The following GRID2 variants were observed in gnomAD, a reference collection of about 807,000 sequenced individuals.
GRID2 encodes glutamate ionotropic receptor delta type subunit 2.
GRID2 carries 33 observed loss-of-function variants against 114.8 expected under a neutral mutation model. That is an observed-to-expected ratio of 0.29 (90% CI 0.22 to 0.38). The LOEUF (loss-of-function observed/expected upper bound fraction) is 0.38. GRID2 is among the 10% of genes least tolerant of loss of function. The probability of loss-of-function intolerance (pLI) is 1.00; values close to 1 mark genes in which losing one functional copy is unlikely to be tolerated. For synonymous variants in GRID2, 505 were observed against 449.9 expected, an observed-to-expected ratio of 1.12 and a Z score of -1.55; for missense variants, 1,184 against 1,257.7, an observed-to-expected ratio of 0.94 and a Z score of 0.89.
chr4:93,175,393 A>AT (rs1341477098), intron 4 of GRID2, among the ~76,000 whole-genome samples: 1 of 151,964 alleles, frequency 6.6e-6, no homozygotes, highest in Non-Finnish European at 1.5e-5. Flanking sequence ...CTGGTCTCGA[A>AT]CTCCTGACCT....
intron 11 of GRID2, among the ~76,000 whole-genome samples, chr4:93,469,176 A>G (rs1201065231): frequency 1.3e-5 from 2 of 152,138 alleles, no homozygotes; most frequent in African/African-American, 4.8e-5. Context: ...TTGGTAGAGA[A>G]GGTACAGAGA....
chr4:92,624,112 A>C (rs896901434), intron 2 of GRID2, among the ~76,000 whole-genome samples: 1 of 151,836 alleles, frequency 6.6e-6, no homozygotes, highest in African/African-American at 2.4e-5. Context: ...GCATTAATTA[A>C]ATAAATTATG....
intron 14 of GRID2, among the ~76,000 whole-genome samples, chr4:93,683,016 A>T (rs1422911756): frequency 6.6e-6 from 1 of 152,124 alleles, no homozygotes; most frequent in African/African-American, 2.4e-5. Flanking sequence ...ACTGAGGGAA[A>T]TATGATTCAA....
chr4:93,090,094 G>A (rs151199225), intron 3 of GRID2, among the ~76,000 whole-genome samples: 10 of 152,208 alleles, frequency 6.6e-5, no homozygotes, highest in African/African-American at 2.4e-4. Context: ...CAACGTTGTT[G>A]GCTAATAGTA....
intron 2 of GRID2, among the ~76,000 whole-genome samples, chr4:92,771,395 G>C (rs967916326): frequency 6.6e-6 from 1 of 152,120 alleles, no homozygotes; most frequent in African/African-American, 2.4e-5. Flanking sequence ...ATATGGTTGT[G>C]AGTTCATTTA....
Position 93,481,035 on chromosome 4 carries a change from T to C in GRID2, c.1859-9604T>C, listed in dbSNP as rs35970042. 3.4e-3 allele frequency among the ~76,000 whole-genome samples: 518 copies of C among 152,178 alleles called. 1 individual carries two copies. Among genetic ancestry groups the C allele is most frequent in the Non-Finnish European group, 6.4e-3 (435 of 67,990 alleles). ...CCAAGTATCAAGTCAGCACATTAAA[T>C]CCCAAATCTGAAATCTTACCACCCA... On this transcript the variant is annotated intron_variant, in intron 11 of 15. Transcript: ENST00000282020.
intron 10 of GRID2, among the ~76,000 whole-genome samples, chr4:93,448,340 C>A (rs72668729): frequency 0.027 from 4,069 of 151,166 alleles, 62 homozygotes; most frequent in South Asian, 0.055. Flanking sequence ...AAAGAAAAAC[C>A]TACCAAAGAA....
intron 1 of GRID2, among the ~76,000 whole-genome samples, chr4:92,448,491 A>T (rs7674480): frequency 0.35 from 52,974 of 151,780 alleles, 10,060 homozygotes; most frequent in African/African-American, 0.5. Flanking sequence ...TTTTAAAGTA[A>T]ATTTTTTCAT....
chr4:93,016,665 G>A (rs1177392327), intron 2 of GRID2, among the ~76,000 whole-genome samples: 1 of 152,248 alleles, frequency 6.6e-6, no homozygotes, highest in South Asian at 2.1e-4. Context: ...ATAGGACAAA[G>A]TGAAAATGGG....
intron 2 of GRID2, among the ~76,000 whole-genome samples, chr4:92,610,023 C>T (rs1214388137): frequency 6.6e-6 from 1 of 151,632 alleles, no homozygotes; most frequent in East Asian, 1.9e-4. Context: ...TTACCCTCTT[C>T]TACAGTAGCA....
intron 3 of GRID2, among the ~76,000 whole-genome samples, chr4:93,095,230 C>T (rs886630739): frequency 4.6e-5 from 7 of 151,874 alleles, no homozygotes. Flanking sequence ...CGCCCATCGA[C>T]CCATCATCTA....
intron 2 of GRID2, among the ~76,000 whole-genome samples, chr4:92,898,635 A>G (rs1747343113): frequency 6.6e-6 from 1 of 152,146 alleles, no homozygotes; most frequent in Non-Finnish European, 1.5e-5. Context: ...AGCCTTCAAA[A>G]GTTTGGGTAG....
chr4:92,416,859 T>C (rs1731644005), intron 1 of GRID2, among the ~76,000 whole-genome samples: 1 of 152,118 alleles, frequency 6.6e-6, no homozygotes, highest in Admixed American at 6.6e-5. Context: ...TTTGTTCTTT[T>C]TGCTTAGTCT....
intron 4 of GRID2, among the ~76,000 whole-genome samples, chr4:93,139,842 T>C (rs1300387653): frequency 6.6e-6 from 1 of 151,984 alleles, no homozygotes; most frequent in East Asian, 1.9e-4. Flanking sequence ...AATTATATAA[T>C]GGGAAACTAA....
chr4:92,569,687 A>C (rs62307854), intron 1 of GRID2, among the ~76,000 whole-genome samples: 12,904 of 152,014 alleles, frequency 0.085, 646 homozygotes, highest in African/African-American at 0.13. Context: ...ATGGTATCTC[A>C]TTGTCATTTT....
At chr4:93,414,482 C>T (rs1580002698) in intron 9 of GRID2, among the ~76,000 whole-genome samples, 1 of 152,002 alleles carries the variant, frequency 6.6e-6, no homozygotes, top group Non-Finnish European at 1.5e-5. Context: ...CTTCCTTGGT[C>T]CTAGCCACGC....
intron 14 of GRID2, among the ~76,000 whole-genome samples, chr4:93,703,627 T>C (rs1278828507): frequency 3.4e-5 from 5 of 149,236 alleles, no homozygotes; most frequent in African/African-American, 1.2e-4. Flanking sequence ...GTATATCTCC[T>C]AATGCTATCC....
chr4:92,610,572 G>A (rs750801299), intron 2 of GRID2, among the ~76,000 whole-genome samples: 9 of 150,004 alleles, frequency 6.0e-5, no homozygotes, highest in African/African-American at 2.2e-4. Flanking sequence ...CCACTTCCTC[G>A]TCCTTCACGC....
At chr4:92,918,775 G>C (rs1342848928) in intron 2 of GRID2, among the ~76,000 whole-genome samples, 2 of 152,130 alleles carry the variant, frequency 1.3e-5, no homozygotes, top group East Asian at 3.9e-4. Flanking sequence ...GAGGATTTTT[G>C]CATTGATGTT....
Sources: allele counts gnomAD v4.1 joint callset (sites outside exome capture counted in the v4.1 genomes callset), GRCh38; gene constraint gnomAD v4.1.1; transcripts MANE v1.5; gene names NCBI Gene and HGNC (gene_info 2026-07-23, HGNC 2026-07-21).